CEP57L1: variants seen among roughly 807,000 people sequenced by gnomAD.
The protein encoded by CEP57L1 is centrosomal protein 57 like 1.
Under a neutral mutation model 61.0 loss-of-function variants are expected in CEP57L1, and 37 were observed. The observed-to-expected ratio is 0.61, with a 90% CI of 0.47 to 0.80. The LOEUF (loss-of-function observed/expected upper bound fraction) is 0.80, where lower values mean the gene tolerates loss of function less well. Among genes scored for constraint, CEP57L1 ranks in the 30% least tolerant of loss-of-function variants. CEP57L1 has a pLI of 0.00. For synonymous variants in CEP57L1, 137 were observed against 162.3 expected, an observed-to-expected ratio of 0.84 and a Z score of 1.19; for missense variants, 422 against 524.7, an observed-to-expected ratio of 0.80 and a Z score of 1.91.
chr6:109,153,757 A>C (rs1341223474), intron 4 of CEP57L1, 76 bp from the exon 5 acceptor site: 4 of 815,222 alleles, frequency 4.9e-6, no homozygotes, highest in African/African-American at 1.7e-5. Flanking sequence ...TTGAATTCTC[A>C]GAAATTGTAT....
In CEP57L1 at chr6:109,173,708, G is replaced by A. The variant is rs1774510619; in HGVS notation, c.*10738G>A. On this transcript the variant is annotated 3_prime_UTR_variant, in exon 11 of 11. Coordinates refer to ENST00000517392, the MANE Select transcript of CEP57L1 (RefSeq NM_001271852.3). Reference sequence around the variant, plus strand: ...CCACCTCAGCCTCCCAAAGCTCTGGGATTACAGGCATGAGCCACTGTGCCC... The same window carrying A: ...CCACCTCAGCCTCCCAAAGCTCTGGAATTACAGGCATGAGCCACTGTGCCC... 6.6e-6 allele frequency among the ~76,000 whole-genome samples: 1 copy of A among 151,542 alleles called. No individual in the cohort carries two copies. The highest frequency in any genetic ancestry group is 1.5e-5 in the Non-Finnish European group (1 of 67,908).
intron 3 of CEP57L1, among the ~76,000 whole-genome samples, chr6:109,147,574 A>C (rs1164864729): frequency 6.6e-6 from 1 of 152,224 alleles, no homozygotes; most frequent in African/African-American, 2.4e-5. Context: ...ACTTAGAAGT[A>C]GAATGAACAA....
chr6:109,107,428 A>G (rs781516083), intron 1 of CEP57L1, among the ~76,000 whole-genome samples: 6 of 152,152 alleles, frequency 3.9e-5, no homozygotes, highest in Non-Finnish European at 8.8e-5. Flanking sequence ...ATATAATTTT[A>G]TAAGTTGCTT....
At chr6:109,139,389 C>T (rs988874155) in intron 1 of CEP57L1, among the ~76,000 whole-genome samples, 4 of 152,164 alleles carry the variant, frequency 2.6e-5, no homozygotes, top group Non-Finnish European at 4.4e-5. Flanking sequence ...CCACAACATT[C>T]GCCTCCTGGG....
At chr6:109,122,375 T>C (rs960213208) in intron 1 of CEP57L1, among the ~76,000 whole-genome samples, 2 of 152,210 alleles carry the variant, frequency 1.3e-5, no homozygotes, top group South Asian at 2.1e-4. Context: ...TTTGTTTATA[T>C]TGCATTTGTA....
At chr6:109,129,457 A>G in intron 1 of CEP57L1, 1 of 567,478 alleles carries the variant, frequency 1.8e-6, no homozygotes, top group South Asian at 1.5e-5. Flanking sequence ...TTCCTCAGAA[A>G]GAAACAAAAC....
intron 1 of CEP57L1, among the ~76,000 whole-genome samples, chr6:109,100,437 G>T (rs1245143501): frequency 6.6e-6 from 1 of 152,142 alleles, no homozygotes; most frequent in African/African-American, 2.4e-5. Context: ...CACTTTGGGA[G>T]GCTGAGGTGG....
rs868755851 is a variant in CEP57L1, at chr6:109,142,272, T to G, written c.-3-2947T>G. Among the ~76,000 whole-genome samples the G allele has an allele frequency of 2.6e-5, 4 of 152,306 alleles. 1 individual carries two copies. The highest frequency in any genetic ancestry group is 6.8e-3 in the Middle Eastern group (2 of 294). ...GTGGTACATATATTCCATGGAATAC[T>G]ATGCAGCCATAAAAAGGAATGAGAT... is the stretch of plus-strand genomic sequence containing the variant. On this transcript the variant is annotated intron_variant, in intron 1 of 10. Coordinates refer to ENST00000517392, the MANE Select transcript of CEP57L1 (RefSeq NM_001271852.3).
intron 3 of CEP57L1, among the ~76,000 whole-genome samples, chr6:109,148,401 G>A (rs576824366): frequency 6.6e-6 from 1 of 152,194 alleles, no homozygotes; most frequent in African/African-American, 2.4e-5. Flanking sequence ...AGTTTACTGA[G>A]AATGATGATT....
At position 109,125,678 on chromosome 6, in the gene CEP57L1, AG is replaced by A. The variant is rs1036083383; in HGVS notation, c.-3-19539del. ...GAGCCTAGGAGTTTGAAGCTAGTCT[AG>A]GCAACACGGTGAGAACCTGTCTTGA... On this transcript the variant is annotated intron_variant, in intron 1 of 10. Transcript: ENST00000517392. Among the ~76,000 whole-genome samples the A allele has an allele frequency of 4.0e-5, 6 of 151,708 alleles. No homozygotes were observed. In the East Asian group the frequency reaches 7.7e-4, roughly 20 times the overall value.
chr6:109,163,918 T>C lies in CEP57L1; in HGVS notation c.*948T>C, dbSNP rs1773928145. ...ACTTGATCATTTTTCTGGAAGCCTATGGGAACTAGTACAACTCTTCTGAAC... is the reference window on the plus strand; with the variant it reads ...ACTTGATCATTTTTCTGGAAGCCTACGGGAACTAGTACAACTCTTCTGAAC... On this transcript the variant is annotated 3_prime_UTR_variant, in exon 11 of 11. Coordinates refer to ENST00000517392, the MANE Select transcript of CEP57L1 (RefSeq NM_001271852.3). 1 of 152,172 alleles carries C rather than the reference T, an allele frequency of 6.6e-6. No individual in the cohort carries two copies. The highest frequency in any genetic ancestry group is 1.5e-5 in the Non-Finnish European group (1 of 68,028). 9.4% of individuals were successfully genotyped at this position (152,172 alleles called of 1,614,324 possible). A position where few individuals can be genotyped will look rare whatever the true frequency, so the allele number is the denominator to read the frequency against.
intron 1 of CEP57L1, among the ~76,000 whole-genome samples, chr6:109,124,330 G>T (rs773405306): frequency 6.6e-6 from 1 of 152,142 alleles, no homozygotes; most frequent in Admixed American, 6.5e-5. Flanking sequence ...CAATATTTAG[G>T]CACTATACGA....
intron 3 of CEP57L1, among the ~76,000 whole-genome samples, chr6:109,147,866 ATCC>A (rs1437501733): frequency 1.3e-5 from 2 of 152,220 alleles, no homozygotes; most frequent in Non-Finnish European, 2.9e-5. Context: ...AGTTACTGAC[ATCC>A]TCCTCTTTCA....
intron 1 of CEP57L1, among the ~76,000 whole-genome samples, chr6:109,143,880 T>TA (rs747256795): frequency 6.6e-6 from 1 of 152,144 alleles, no homozygotes; most frequent in African/African-American, 2.4e-5. Flanking sequence ...TTTAACAACT[T>TA]ACCTCTCTCT....
At chr6:109,145,120 T>C (rs1732768000) in intron 1 of CEP57L1, 99 bp from the exon 2 acceptor site, 1 of 674,228 alleles carries the variant, frequency 1.5e-6, no homozygotes, top group South Asian at 3.5e-5. Context: ...CTCCACAGTA[T>C]ATGATTATGT....
At chr6:109,150,718 A>C (rs571876837) in intron 4 of CEP57L1, among the ~76,000 whole-genome samples, 5 of 152,100 alleles carry the variant, frequency 3.3e-5, no homozygotes, top group African/African-American at 1.2e-4. Flanking sequence ...AATTACACTC[A>C]AAGAGACAAC....
intron 1 of CEP57L1, among the ~76,000 whole-genome samples, chr6:109,128,409 A>G (rs887886216): frequency 4.6e-5 from 7 of 152,126 alleles, no homozygotes; most frequent in Non-Finnish European, 1.0e-4. Flanking sequence ...AGCATCTTTC[A>G]TATTTATCTC....
intron 4 of CEP57L1, among the ~76,000 whole-genome samples, chr6:109,153,062 G>A (rs1314623727): frequency 6.6e-6 from 1 of 150,642 alleles, no homozygotes; most frequent in Non-Finnish European, 1.5e-5. Context: ...AGTGAGCCAA[G>A]ATTATGCTGC....
intron 10 of CEP57L1, among the ~76,000 whole-genome samples, chr6:109,161,508 G>A (rs1490559000): frequency 2.0e-5 from 3 of 151,880 alleles, no homozygotes; most frequent in East Asian, 1.9e-4. Context: ...AAGCCTCCCC[G>A]CGTTTTATAG....
Sources: allele counts gnomAD v4.1 joint callset (sites outside exome capture counted in the v4.1 genomes callset), GRCh38; gene constraint gnomAD v4.1.1; transcripts MANE v1.5; gene names NCBI Gene and HGNC (gene_info 2026-07-23, HGNC 2026-07-21).